TTC3: variants seen among roughly 807,000 people sequenced by gnomAD.
TTC3 encodes tetratricopeptide repeat domain 3.
Under a neutral mutation model 249.6 loss-of-function variants are expected in TTC3, and 180 were observed. That is an observed-to-expected ratio of 0.72 (90% CI 0.64 to 0.82). The LOEUF (loss-of-function observed/expected upper bound fraction) is 0.82. Among genes scored for constraint, TTC3 ranks in the 40% least tolerant of loss-of-function variants. TTC3 has a pLI of 0.00. For synonymous variants in TTC3, 717 were observed against 805.0 expected, an observed-to-expected ratio of 0.89 and a Z score of 1.85; for missense variants, 2,061 against 2,398.4, an observed-to-expected ratio of 0.86 and a Z score of 2.94.
intron 20 of TTC3, among the ~76,000 whole-genome samples, chr21:37,143,351 A>G (rs1480675282): frequency 6.6e-6 from 1 of 152,180 alleles, no homozygotes; most frequent in South Asian, 2.1e-4. Context: ...TACTCATCTG[A>G]CGAAGGGCTA....
chr21:37,172,202 G>A (rs985604550), intron 34 of TTC3, among the ~76,000 whole-genome samples: 13 of 152,162 alleles, frequency 8.5e-5, no homozygotes, highest in Non-Finnish European at 1.5e-4. Context: ...TAAAGCCAAA[G>A]TTAAAATGTT....
At chr21:37,093,143 C>T (rs1004778785) in intron 7 of TTC3, among the ~76,000 whole-genome samples, 6 of 151,868 alleles carry the variant, frequency 4.0e-5, no homozygotes, top group Admixed American at 1.3e-4. Flanking sequence ...TTTGGGAGGC[C>T]GAGGCGGGTG....
At chr21:37,189,057 C>T (rs2083652834) in intron 39 of TTC3, among the ~76,000 whole-genome samples, 1 of 147,308 alleles carries the variant, frequency 6.8e-6, no homozygotes, top group South Asian at 2.2e-4. Context: ...TTTTTATGCA[C>T]ATTATTAGTC....
At chr21:37,167,661 T>C in intron 34 of TTC3, 41 bp downstream of exon 34, 1 of 1,507,126 alleles carries the variant, frequency 6.6e-7, no homozygotes, top group Non-Finnish European at 9.1e-7. Flanking sequence ...GGTTTAGTTT[T>C]CATTAATTTA....
chr21:37,163,197 G>A (rs556896703), intron 31 of TTC3, among the ~76,000 whole-genome samples: 1 of 152,278 alleles, frequency 6.6e-6, no homozygotes, highest in Admixed American at 6.5e-5. Context: ...TCTGTCCAAT[G>A]TACAGATAAG....
At chr21:37,169,435 T>C (rs2081533475) in intron 34 of TTC3, among the ~76,000 whole-genome samples, 1 of 152,076 alleles carries the variant, frequency 6.6e-6, no homozygotes, top group African/African-American at 2.4e-5. Flanking sequence ...TCCCAGCTAC[T>C]TGGGAGGCTG....
chr21:37,192,491 TTG>T (rs60538841), intron 41 of TTC3, among the ~76,000 whole-genome samples: 5,381 of 140,608 alleles, frequency 0.038, 134 homozygotes, highest in African/African-American at 0.066. Flanking sequence ...TCTTCTATCT[TTG>T]TGTGTGTGTG....
chr21:37,190,706 T>G (rs986427167), intron 39 of TTC3, among the ~76,000 whole-genome samples: 2 of 152,192 alleles, frequency 1.3e-5, no homozygotes, highest in African/African-American at 2.4e-5. Context: ...AACTCTGCCT[T>G]CTCCACCAAA....
At chr21:37,151,987 G>C in exon 26 of TTC3, 1 of 1,599,024 alleles carries the variant, frequency 6.3e-7, no homozygotes, top group Non-Finnish European at 8.5e-7. Context: ...AATGGAGGAG[G>C]ACTTAAGAGA....
intron 10 of TTC3, among the ~76,000 whole-genome samples, chr21:37,097,494 A>G (rs1029233294): frequency 6.6e-6 from 1 of 152,196 alleles, no homozygotes; most frequent in Non-Finnish European, 1.5e-5. Flanking sequence ...AAGGTCCTGC[A>G]TAGGTATTAG....
At chr21:37,180,317 T>G (rs1165061070) in intron 35 of TTC3, among the ~76,000 whole-genome samples, 1 of 152,218 alleles carries the variant, frequency 6.6e-6, no homozygotes, top group African/African-American at 2.4e-5. Context: ...TGTATTGTCA[T>G]TCCTCTCTCT....
intron 9 of TTC3, among the ~76,000 whole-genome samples, chr21:37,095,967 G>A (rs1421688952): frequency 2.0e-5 from 3 of 152,146 alleles, no homozygotes; most frequent in African/African-American, 4.8e-5. Flanking sequence ...CAGTCAGGCC[G>A]CCTAATATTG....
intron 11 of TTC3, 91 bp from the exon 12 acceptor site, chr21:37,121,726 A>T (rs2076599816): frequency 8.2e-7 from 1 of 1,220,120 alleles, no homozygotes; most frequent in Non-Finnish European, 1.1e-6. Context: ...TAAGTAATGA[A>T]TCAGTTTTCA....
chr21:37,192,162 T>C (rs2084220720), exon 41 of TTC3: 1 of 1,611,592 alleles, frequency 6.2e-7, no homozygotes, highest in East Asian at 2.2e-5. Context: ...CTCGGCTCAG[T>C]GAACTTTCTA....
At chr21:37,126,774 G>A (rs1039362205) in intron 15 of TTC3, among the ~76,000 whole-genome samples, 8 of 152,212 alleles carry the variant, frequency 5.3e-5, no homozygotes, top group South Asian at 4.2e-4. Context: ...TCTTCTTCCC[G>A]GTTCATAGAT....
chr21:37,117,940 C>CT (rs533395845), intron 11 of TTC3, among the ~76,000 whole-genome samples: 16 of 147,480 alleles, frequency 1.1e-4, no homozygotes, highest in South Asian at 2.1e-4. Context: ...AAAATATTCA[C>CT]TTTTTTTTTT....
In TTC3 at chr21:37,152,931, C is replaced by G. The variant is rs1180640529; in HGVS notation, c.2414-20C>G. The stretch of plus-strand genomic sequence containing the variant: ...GAATTAGTCCTATTTATCACTTTAA[C>G]CATTGTTATTTATCCTTAGAAACTG... On this transcript the variant is annotated intron_variant, in intron 26 of 45. Transcript: ENST00000355666. 6.5e-7 allele frequency: 1 copy of G among 1,537,474 alleles called. No homozygotes were observed. Among genetic ancestry groups the G allele is most frequent in the African/African-American group, 1.4e-5 (1 of 72,210 alleles).
chr21:37,128,566 A>T (rs989399756), intron 15 of TTC3, among the ~76,000 whole-genome samples: 2 of 152,074 alleles, frequency 1.3e-5, no homozygotes, highest in East Asian at 3.9e-4. Context: ...TTTCTCAGCC[A>T]CTCCAGCTTA....
intron 16 of TTC3, among the ~76,000 whole-genome samples, chr21:37,131,536 T>C (rs1163505054): frequency 6.6e-6 from 1 of 152,184 alleles, no homozygotes; most frequent in East Asian, 1.9e-4. Context: ...GTATCCTTTA[T>C]AATAAATTGG....
Sources: gnomAD v4.1 joint callset for allele counts (sites outside exome capture counted in the v4.1 genomes callset) on GRCh38, gnomAD v4.1.1 for gene constraint, MANE v1.5 for transcripts, NCBI Gene and HGNC (gene_info 2026-07-23, HGNC 2026-07-21) for gene names.